The following CPA6 variants were observed in gnomAD, a reference collection of about 807,000 sequenced individuals.
The protein encoded by CPA6 is carboxypeptidase B.
CPA6 carries 58 observed loss-of-function variants against 63.3 expected under a neutral mutation model. The ratio of observed to expected loss-of-function variants is 0.92; its 90% CI spans 0.74 to 1.14. The LOEUF (loss-of-function observed/expected upper bound fraction) is 1.14, where lower values mean the gene tolerates loss of function less well. Among genes scored for constraint, CPA6 ranks in the 50% most tolerant of loss-of-function variants. The pLI, the probability that CPA6 is intolerant of heterozygous loss-of-function variation, is 0.00. For synonymous variants in CPA6, 185 were observed against 179.0 expected (o/e 1.03, Z -0.27); for missense variants, 565 against 526.6 (o/e 1.07, Z -0.71).
Position 67,511,580 on chromosome 8 carries a change from G to A in CPA6, c.393C>T (p.Leu131=). The change falls in exon 4 of 11, where the codon CTC becomes CTT. Residue 131 remains leucine (L), a synonymous_variant. Coordinates refer to ENST00000297770, the MANE Select transcript of CPA6 (RefSeq NM_020361.5). ...SLHTQRNRRS[L]SGYNYEVYHS... ...GATAAACTTCATAATTATATCCAGA[G>A]AGGGATCTTCGGTTTCTCTGGGTGT... 1 of 1,611,508 alleles carries A rather than the reference G, an allele frequency of 6.2e-7. No homozygotes were observed.
At chr8:67,531,849 A>T (rs949101199) in intron 2 of CPA6, among the ~76,000 whole-genome samples, 7 of 152,216 alleles carry the variant, frequency 4.6e-5, no homozygotes, top group African/African-American at 1.7e-4. Context: ...CAGAGAATTG[A>T]TGTCAAATGA....
intron 2 of CPA6, among the ~76,000 whole-genome samples, chr8:67,564,564 A>G (rs1376957929): frequency 6.6e-6 from 1 of 152,192 alleles, no homozygotes; most frequent in Non-Finnish European, 1.5e-5. Context: ...TAGGAAGAGC[A>G]GTACAGAGCT....
chr8:67,539,767 C>T (rs1004905699), intron 2 of CPA6, among the ~76,000 whole-genome samples: 2 of 152,026 alleles, frequency 1.3e-5, no homozygotes, highest in African/African-American at 4.8e-5. Context: ...TCTCTGGTAT[C>T]CTTTCTTTTG....
chr8:67,516,276 A>G (rs1308724085), intron 3 of CPA6, among the ~76,000 whole-genome samples: 5 of 152,092 alleles, frequency 3.3e-5, no homozygotes, highest in East Asian at 1.9e-4. Context: ...CTTTTTTGAC[A>G]TGTCCACTTT....
intron 1 of CPA6, among the ~76,000 whole-genome samples, chr8:67,635,820 G>A (rs1815456436): frequency 6.6e-6 from 1 of 151,542 alleles, no homozygotes; most frequent in South Asian, 2.1e-4. Flanking sequence ...TTTCTCTATT[G>A]GTATAAGCCA....
chr8:67,666,122 A>G (rs190977806), intron 1 of CPA6, among the ~76,000 whole-genome samples: 2 of 152,200 alleles, frequency 1.3e-5, no homozygotes, highest in East Asian at 3.8e-4. Flanking sequence ...ACTCACCTGT[A>G]AAGAACTGAG....
intron 1 of CPA6, among the ~76,000 whole-genome samples, chr8:67,673,388 ATTTT>A (rs796416371): frequency 2.4e-4 from 32 of 134,004 alleles, no homozygotes; most frequent in African/African-American, 6.8e-4. Context: ...TTATTTATTT[ATTTT>A]TTTTTTTTTG....
chr8:67,476,101 C>CA (rs934043356), intron 8 of CPA6, among the ~76,000 whole-genome samples: 2 of 151,132 alleles, frequency 1.3e-5, no homozygotes, highest in Non-Finnish European at 2.9e-5. Flanking sequence ...GGCAACCGTT[C>CA]AAGCCATTCC....
intron 2 of CPA6, among the ~76,000 whole-genome samples, chr8:67,534,304 C>G (rs1812537719): frequency 6.6e-6 from 1 of 151,896 alleles, no homozygotes. Flanking sequence ...GTGGAAGCCC[C>G]TTGTGTTCTG....
Position 67,422,507 on chromosome 8 carries a change from G to A in CPA6, c.1311C>T (p.Pro437=). ...TTGACCTGAGCCTTGGGCTGTCTCA[G>A]GGACATTTCTTTAGCAGGTGCATTG... ...NITMHLLKKC[P] Residue 437 remains proline, a synonymous_variant, in exon 11 of 11, where the codon CCC becomes CCT. Coordinates refer to ENST00000297770, the MANE Select transcript of CPA6 (RefSeq NM_020361.5). The A allele has an allele frequency of 6.2e-7, 1 of 1,613,670 alleles. No homozygotes were observed. The highest frequency in any genetic ancestry group is 8.5e-7 in the Non-Finnish European group (1 of 1,179,694).
chr8:67,422,604 A>C lies in CPA6; in HGVS notation c.1214T>G (p.Phe405Cys). ...FAFELRDTGY[F>C]GFLLPEMLIK... ...GAGCATCTCTGGGAGTAAAAATCCA[A>C]AATATCCAGTGTCACGTAGTTCGAA... The change falls in exon 11 of 11, where the codon TTT becomes TGT. Residue 405 changes from phenylalanine to cysteine, a missense_variant. Phe to Cys is a radical substitution (Grantham distance 205). Coordinates refer to ENST00000297770, the MANE Select transcript of CPA6 (RefSeq NM_020361.5). 6.2e-7 allele frequency: 1 copy of C among 1,614,174 alleles called. No homozygotes were observed. The highest frequency in any genetic ancestry group is 8.5e-7 in the Non-Finnish European group (1 of 1,180,012).
chr8:67,540,305 A>C (rs1291112899), intron 2 of CPA6, among the ~76,000 whole-genome samples: 1 of 151,838 alleles, frequency 6.6e-6, no homozygotes, highest in Non-Finnish European at 1.5e-5. Flanking sequence ...TCCACTCCAG[A>C]CCCTGTTTCT....
chr8:67,476,152 G>A (rs1458108038), intron 8 of CPA6, among the ~76,000 whole-genome samples: 1 of 151,670 alleles, frequency 6.6e-6, no homozygotes, highest in African/African-American at 2.4e-5. Context: ...ATAGACATGT[G>A]TCATCACACC....
intron 8 of CPA6, among the ~76,000 whole-genome samples, chr8:67,443,250 G>A (rs1563954808): frequency 6.6e-6 from 1 of 151,986 alleles, no homozygotes; most frequent in Non-Finnish European, 1.5e-5. Context: ...AGTAGAGACG[G>A]GGTTTCACCA....
intron 2 of CPA6, among the ~76,000 whole-genome samples, chr8:67,535,305 T>A (rs1812561676): frequency 6.6e-6 from 1 of 152,244 alleles, no homozygotes; most frequent in Non-Finnish European, 1.5e-5. Flanking sequence ...ATGATTGAAC[T>A]AATTTACACT....
intron 1 of CPA6, among the ~76,000 whole-genome samples, chr8:67,651,235 A>T (rs1815829522): frequency 6.6e-6 from 1 of 152,162 alleles, no homozygotes; most frequent in Non-Finnish European, 1.5e-5. Context: ...AATAAAATTT[A>T]TGTGTTGTAG....
At chr8:67,604,561 C>G (rs1168004961) in intron 2 of CPA6, among the ~76,000 whole-genome samples, 1 of 152,176 alleles carries the variant, frequency 6.6e-6, no homozygotes, top group Non-Finnish European at 1.5e-5. Context: ...TTGTTAATCT[C>G]TCTCCACCAC....
At chr8:67,448,092 C>T (rs1166522792) in intron 8 of CPA6, among the ~76,000 whole-genome samples, 1 of 152,158 alleles carries the variant, frequency 6.6e-6, no homozygotes, top group Non-Finnish European at 1.5e-5. Flanking sequence ...GCCAATTGGC[C>T]TTCCTTACTG....
At chr8:67,592,761 A>G (rs954331017) in intron 2 of CPA6, among the ~76,000 whole-genome samples, 63 of 152,128 alleles carry the variant, frequency 4.1e-4, no homozygotes, top group Non-Finnish European at 7.6e-4. Context: ...TATTGCGTCT[A>G]TTTGATTCTT....
Sources: allele counts gnomAD v4.1 joint callset (sites outside exome capture counted in the v4.1 genomes callset), GRCh38; gene constraint gnomAD v4.1.1; transcripts MANE v1.5; gene names NCBI Gene and HGNC (gene_info 2026-07-23, HGNC 2026-07-21).